The following SEMA4B variants were observed in gnomAD, a reference collection of about 807,000 sequenced individuals.
SEMA4B encodes semaphorin 4B.
A neutral mutation model predicts 88.1 loss-of-function variants in SEMA4B; 55 were observed. The observed-to-expected ratio is 0.62, with a 90% CI of 0.50 to 0.78. The LOEUF is 0.78. Ranked by LOEUF, SEMA4B falls within the 30% of genes least tolerant of loss-of-function variation. The pLI is 0.00. For synonymous variants in SEMA4B, 525 were observed against 473.6 expected, an observed-to-expected ratio of 1.11 and a Z score of -1.41; for missense variants, 1,062 against 1,111.9, an observed-to-expected ratio of 0.96 and a Z score of 0.64.
intron 1 of SEMA4B, among the ~76,000 whole-genome samples, chr15:90,191,678 A>C (rs996571901): frequency 1.3e-5 from 2 of 152,222 alleles, no homozygotes; most frequent in African/African-American, 4.8e-5. Flanking sequence ...AGGAGCAAGA[A>C]AAACAAGAGG....
chr15:90,185,726 G>A (rs755101319), intron 1 of SEMA4B, among the ~76,000 whole-genome samples: 2 of 152,138 alleles, frequency 1.3e-5, no homozygotes, highest in Non-Finnish European at 2.9e-5. Context: ...TTTTGTGCGG[G>A]AAGCATACAA....
At chr15:90,220,834 G>T in intron 4 of SEMA4B, 148 bp from the exon 5 acceptor site, 2 of 621,564 alleles carry the variant, frequency 3.2e-6, no homozygotes, top group South Asian at 3.6e-5. Context: ...GGCTGAGGAG[G>T]ACGGCGTCCC....
chr15:90,201,302 A>C, upstream of SEMA4B: 15 of 1,122,536 alleles, frequency 1.3e-5, no homozygotes, highest in East Asian at 4.6e-5. Flanking sequence ...CTCACGGCCG[A>C]CTTCCTCCTT....
Position 90,229,117 on chromosome 15 carries a change from T to C in SEMA4B, c.*474T>C, listed in dbSNP as rs112795767. ...ATTATCCCGCTGCCACCGGCTGCCC[T>C]GTCTCACTGCAGATTCAGGACCAGC... is the stretch of plus-strand genomic sequence containing the variant. On this transcript the variant is annotated 3_prime_UTR_variant, in exon 14 of 14. Transcript: ENST00000411539. The C allele has an allele frequency of 2.8e-6, 1 of 355,624 alleles. No individual in the cohort carries two copies. The highest frequency in any genetic ancestry group is 5.6e-6 in the Non-Finnish European group (1 of 178,898). The allele number at this position is 355,624 out of a possible 1,614,324, so 22.0% of individuals were successfully genotyped here.
At chr15:90,194,318 G>T (rs1416648307) in intron 1 of SEMA4B, among the ~76,000 whole-genome samples, 4 of 151,816 alleles carry the variant, frequency 2.6e-5, no homozygotes, top group Admixed American at 2.0e-4. Context: ...GCTCACCTGA[G>T]GTCAAAAGTT....
At chr15:90,199,446 G>A (rs988378261), upstream of SEMA4B, among the ~76,000 whole-genome samples, 5 of 152,160 alleles carry the variant, frequency 3.3e-5, no homozygotes, top group African/African-American at 1.2e-4. Context: ...GGCTGTAGGT[G>A]GAGCACATTT....
At chr15:90,186,065 C>G (rs534921138) in intron 1 of SEMA4B, among the ~76,000 whole-genome samples, 2 of 151,042 alleles carry the variant, frequency 1.3e-5, no homozygotes, top group South Asian at 4.2e-4. Flanking sequence ...TCCTGAGTAG[C>G]TGGGACTACA....
chr15:90,188,783 T>G (rs1960256274), intron 1 of SEMA4B, among the ~76,000 whole-genome samples: 1 of 152,022 alleles, frequency 6.6e-6, no homozygotes. Context: ...TTCTTCTGCC[T>G]CAGCCTCCCG....
At position 90,228,411 on chromosome 15, in the gene SEMA4B, G is replaced by T; in HGVS notation, c.2282G>T (p.Cys761Phe). 6.2e-7 allele frequency: 1 copy of T among 1,604,212 alleles called. No homozygotes were observed. Among genetic ancestry groups the T allele is most frequent in the Non-Finnish European group, 8.5e-7 (1 of 1,175,206 alleles). ...GECASVHPKTCPVVLPPETRP... is the reference protein window; with the variant it reads ...GECASVHPKTFPVVLPPETRP... ...TGTGCCAGCGTGCACCCCAAGACCT[G>T]CCCTGTGGTGCTGCCCCCTGAGACC... Residue 761 changes from cysteine (C) to phenylalanine (F), a missense_variant, in exon 14 of 14, where the codon TGC (cysteine) becomes TTC (phenylalanine). Coordinates refer to ENST00000411539, the MANE Select transcript of SEMA4B (RefSeq NM_198925.4).
chr15:90,227,366 T>G (rs1186667973), intron 12 of SEMA4B, 191 bp from the exon 13 acceptor site: 3 of 595,234 alleles, frequency 5.0e-6, no homozygotes, highest in South Asian at 4.0e-5. Flanking sequence ...ACATACTGTT[T>G]ATGTAATTAA....
chr15:90,200,416 C>T (rs1053664768), upstream of SEMA4B, among the ~76,000 whole-genome samples: 2 of 152,216 alleles, frequency 1.3e-5, no homozygotes, highest in Admixed American at 1.3e-4. Flanking sequence ...GTTGAAGTAG[C>T]TTTCCCAAAA....
chr15:90,221,926 CTTTTTTCTTTTTT>C (rs1443630709), intron 7 of SEMA4B, among the ~76,000 whole-genome samples, 161 bp downstream of exon 7: 3 of 98,430 alleles, frequency 3.0e-5, no homozygotes, highest in East Asian at 5.8e-4. Context: ...TATCTTACTA[CTTTTTTCTTTTTT>C]TTTTTTCTTT....
chr15:90,223,661 C>CT lies in SEMA4B; in HGVS notation c.965dup (p.Gln323AlafsTer15). On this transcript the variant is annotated frameshift_variant, in exon 8 of 14. Transcript: ENST00000411539. LOFTEE classifies it high-confidence loss of function. ...CGACGATGGCTTCCCCTTCAACGTG[C>CT]TGCAGGATGTCTTCACGCTGAGCCC... 6.2e-7 allele frequency: 1 copy of CT among 1,613,640 alleles called. No homozygotes were observed. The highest frequency in any genetic ancestry group is 8.5e-7 in the Non-Finnish European group (1 of 1,179,788).
At chr15:90,198,323 T>C (rs1960583589), upstream of SEMA4B, among the ~76,000 whole-genome samples, 1 of 152,198 alleles carries the variant, frequency 6.6e-6, no homozygotes, top group South Asian at 2.1e-4. Context: ...CATTCATTCA[T>C]TCATCCAGTA....
chr15:90,206,242 G>A (rs997973718), intron 1 of SEMA4B, among the ~76,000 whole-genome samples: 1 of 152,170 alleles, frequency 6.6e-6, no homozygotes, highest in Non-Finnish European at 1.5e-5. Flanking sequence ...GACTCAGGGG[G>A]CCTCTGATGT....
At chr15:90,213,823 C>G (rs1180919720) in intron 1 of SEMA4B, among the ~76,000 whole-genome samples, 1 of 152,246 alleles carries the variant, frequency 6.6e-6, no homozygotes, top group Non-Finnish European at 1.5e-5. Flanking sequence ...ACCGCAGTGT[C>G]TGTCTTGGTC....
intron 1 of SEMA4B, among the ~76,000 whole-genome samples, chr15:90,208,220 C>T (rs1022717283): frequency 2.3e-4 from 35 of 151,286 alleles, no homozygotes; most frequent in Non-Finnish European, 4.3e-4. Context: ...TGCCATTGCA[C>T]TCCAGCCTGG....
chr15:90,214,727 C>T (rs1961446848), intron 1 of SEMA4B, among the ~76,000 whole-genome samples: 1 of 152,034 alleles, frequency 6.6e-6, no homozygotes, highest in African/African-American at 2.4e-5. Context: ...CTTCATTTCC[C>T]ATTTTTCTTT....
chr15:90,198,665 A>C (rs984703493), upstream of SEMA4B, among the ~76,000 whole-genome samples: 1 of 152,096 alleles, frequency 6.6e-6, no homozygotes, highest in African/African-American at 2.4e-5. Context: ...GGGAGCAGCC[A>C]GGTCAAAGGC....
Sources: gnomAD v4.1 joint callset for allele counts (sites outside exome capture counted in the v4.1 genomes callset) on GRCh38, gnomAD v4.1.1 for gene constraint, MANE v1.5 for transcripts, NCBI Gene and HGNC (gene_info 2026-07-23, HGNC 2026-07-21) for gene names.